The following CSMD1 variants were observed in gnomAD, a reference collection of about 807,000 sequenced individuals.
CSMD1 encodes CUB and Sushi multiple domains 1.
CSMD1 carries 213 observed loss-of-function variants against 417.5 expected under a neutral mutation model. That is an observed-to-expected ratio of 0.51 (90% CI 0.46 to 0.57). The LOEUF is 0.57. Among genes scored for constraint, CSMD1 ranks in the 20% least tolerant of loss-of-function variants. The pLI is 0.00. For missense variants in CSMD1, 6,923 were observed against 4,529.7 expected (o/e 1.53, Z -15.17); for synonymous variants, 2,862 against 1,736.8 (o/e 1.65, Z -16.11).
chr8:4,942,533 A>G (rs1414699698), intron 1 of CSMD1, among the ~76,000 whole-genome samples: 1 of 152,356 alleles, frequency 6.6e-6, no homozygotes, highest in East Asian at 1.9e-4. Context: ...TCCTCTATTA[A>G]ATAATGTACA....
chr8:4,297,758 C>A (rs942569545), intron 3 of CSMD1, among the ~76,000 whole-genome samples: 74 of 152,064 alleles, frequency 4.9e-4, no homozygotes, highest in African/African-American at 1.6e-3. Flanking sequence ...CGATTAAGAA[C>A]CAACATCCTG....
At chr8:3,890,090 G>A (rs1277192914) in intron 5 of CSMD1, among the ~76,000 whole-genome samples, 3 of 152,010 alleles carry the variant, frequency 2.0e-5, no homozygotes, top group African/African-American at 7.2e-5. Context: ...TTTATTTTAG[G>A]ACAAATGAGA....
chr8:3,312,065 G>C (rs7820348), intron 23 of CSMD1, among the ~76,000 whole-genome samples: 1 of 152,012 alleles, frequency 6.6e-6, no homozygotes, highest in East Asian at 1.9e-4. Context: ...TTGCATTAAA[G>C]CTTTGTTTTG....
At chr8:4,088,778 C>G (rs1432965483) in intron 3 of CSMD1, among the ~76,000 whole-genome samples, 1 of 152,128 alleles carries the variant, frequency 6.6e-6, no homozygotes, top group Non-Finnish European at 1.5e-5. Context: ...CCTCAGCTCC[C>G]ACCCTCCCAG....
At chr8:4,083,546 A>T (rs985006444) in intron 3 of CSMD1, among the ~76,000 whole-genome samples, 4 of 152,202 alleles carry the variant, frequency 2.6e-5, no homozygotes, top group African/African-American at 9.6e-5. Context: ...GCATATTTAC[A>T]ACTGTCTGAT....
intron 68 of CSMD1, among the ~76,000 whole-genome samples, chr8:2,946,208 G>A (rs1802223090): frequency 6.6e-6 from 1 of 152,162 alleles, no homozygotes; most frequent in Non-Finnish European, 1.5e-5. Context: ...GCGATCTTTT[G>A]TTGACCAAAA....
At chr8:3,892,761 T>C (rs142345223) in intron 5 of CSMD1, among the ~76,000 whole-genome samples, 7 of 150,292 alleles carry the variant, frequency 4.7e-5, no homozygotes, top group African/African-American at 1.5e-4. Context: ...TATGAAGTTA[T>C]TGCTAGCCAT....
At chr8:3,003,866 T>A (rs1585129371) in intron 52 of CSMD1, among the ~76,000 whole-genome samples, 1 of 152,084 alleles carries the variant, frequency 6.6e-6, no homozygotes, top group Admixed American at 6.5e-5. Context: ...AAATTAGAAA[T>A]GTTATATATT....
chr8:4,339,713 T>C (rs1458621541), intron 3 of CSMD1, among the ~76,000 whole-genome samples: 2 of 151,868 alleles, frequency 1.3e-5, no homozygotes, highest in Non-Finnish European at 2.9e-5. Context: ...GAGAAGAAAA[T>C]GAAAGAGGAC....
intron 12 of CSMD1, among the ~76,000 whole-genome samples, chr8:3,456,884 G>A (rs138403641): frequency 0.014 from 2,099 of 152,106 alleles, 22 homozygotes; most frequent in Non-Finnish European, 0.022. Context: ...CTCTAGCACT[G>A]CACTATCCTG....
At chr8:4,136,856 G>C (rs976207749) in intron 3 of CSMD1, among the ~76,000 whole-genome samples, 1 of 152,178 alleles carries the variant, frequency 6.6e-6, no homozygotes, top group Non-Finnish European at 1.5e-5. Context: ...GGTTTGCTTT[G>C]TGATTATTTA....
chr8:3,292,974 C>T (rs1272184912), intron 25 of CSMD1, among the ~76,000 whole-genome samples: 1 of 151,952 alleles, frequency 6.6e-6, no homozygotes, highest in Non-Finnish European at 1.5e-5. Context: ...CCGGTTGTTC[C>T]TTTCCATGTT....
intron 3 of CSMD1, among the ~76,000 whole-genome samples, chr8:4,165,990 G>A (rs1797435300): frequency 6.6e-6 from 1 of 152,154 alleles, no homozygotes; most frequent in Non-Finnish European, 1.5e-5. Context: ...AACAAAGTTT[G>A]CAATTATGGG....
intron 1 of CSMD1, among the ~76,000 whole-genome samples, chr8:4,899,959 T>A (rs561962496): frequency 1.8e-4 from 28 of 152,202 alleles, no homozygotes; most frequent in African/African-American, 6.8e-4. Context: ...GAAATAGTTG[T>A]TAAATAAATG....
At chr8:3,910,400 C>T (rs1266518271) in intron 5 of CSMD1, among the ~76,000 whole-genome samples, 1 of 152,100 alleles carries the variant, frequency 6.6e-6, no homozygotes, top group Non-Finnish European at 1.5e-5. Flanking sequence ...AAGATGCTGC[C>T]CTGTCTGCCG....
intron 52 of CSMD1, among the ~76,000 whole-genome samples, chr8:3,010,566 G>C (rs1217401180): frequency 2.0e-5 from 3 of 152,054 alleles, no homozygotes; most frequent in Non-Finnish European, 4.4e-5. Flanking sequence ...TGCCACCAGG[G>C]TTGCAGCTCT....
At chr8:4,416,726 A>C (rs1796962259) in intron 3 of CSMD1, among the ~76,000 whole-genome samples, 1 of 152,084 alleles carries the variant, frequency 6.6e-6, no homozygotes, top group East Asian at 1.9e-4. Context: ...CAATGTCCTC[A>C]AGTCTAATAT....
chr8:4,585,003 T>C (rs1275457130), intron 2 of CSMD1, among the ~76,000 whole-genome samples: 1 of 151,652 alleles, frequency 6.6e-6, no homozygotes, highest in Non-Finnish European at 1.5e-5. Context: ...AACCAGACTC[T>C]CAAATTATTT....
intron 26 of CSMD1, among the ~76,000 whole-genome samples, chr8:3,242,130 C>T (rs986755406): frequency 6.6e-6 from 1 of 151,550 alleles, no homozygotes; most frequent in Admixed American, 6.6e-5. Context: ...ATGCCTTTAG[C>T]TCCAGCCACC....
Sources: gnomAD v4.1 joint callset for allele counts (sites outside exome capture counted in the v4.1 genomes callset) on GRCh38, gnomAD v4.1.1 for gene constraint, MANE v1.5 for transcripts, NCBI Gene and HGNC (gene_info 2026-07-23, HGNC 2026-07-21) for gene names.